Variants in KIAA1217 observed in about 807,000 individuals in gnomAD.
KIAA1217 encodes KIAA1217.
In KIAA1217, 88 loss-of-function variants were observed where a neutral mutation model predicts 163.9. The ratio of observed to expected loss-of-function variants is 0.54; its 90% confidence interval spans 0.45 to 0.64. The LOEUF is 0.64. Among genes scored for constraint, KIAA1217 ranks in the 30% least tolerant of loss-of-function variants. The pLI is 0.00. For missense variants in KIAA1217, 2,372 were observed against 2,475.0 expected (o/e 0.96, Z 0.88); for synonymous variants, 903 against 923.1 (o/e 0.98, Z 0.39).
At chr10:23,928,995 C>A (rs1051568146) in intron 1 of KIAA1217, among the ~76,000 whole-genome samples, 27 of 152,050 alleles carry the variant, frequency 1.8e-4, no homozygotes, top group Admixed American at 1.8e-3. Context: ...GAGGTTCCAG[C>A]GTACACAAGC....
At chr10:23,755,872 C>T (rs1270171346) in intron 1 of KIAA1217, among the ~76,000 whole-genome samples, 1 of 152,110 alleles carries the variant, frequency 6.6e-6, no homozygotes, top group Admixed American at 6.5e-5. Flanking sequence ...TTCTAATCTT[C>T]CACATATATT....
At chr10:23,728,505 T>TG (rs953981160) in intron 1 of KIAA1217, among the ~76,000 whole-genome samples, 71 of 136,444 alleles carry the variant, frequency 5.2e-4, no homozygotes, top group African/African-American at 2.2e-3. Context: ...CACTTTTTGA[T>TG]GGTTTTTTTT....
chr10:24,280,607 C>G (rs1300030604), intron 2 of KIAA1217, among the ~76,000 whole-genome samples: 1 of 151,768 alleles, frequency 6.6e-6, no homozygotes, highest in Non-Finnish European at 1.5e-5. Context: ...GTCAGGAGAT[C>G]GAGACCATCC....
intron 2 of KIAA1217, among the ~76,000 whole-genome samples, chr10:24,189,189 G>A (rs777696511): frequency 1.3e-5 from 2 of 151,960 alleles, no homozygotes; most frequent in Admixed American, 1.3e-4. Flanking sequence ...GCCTTATCAG[G>A]TCGTTGAGAG....
chr10:24,129,009 G>A (rs551051233), intron 2 of KIAA1217, among the ~76,000 whole-genome samples: 1 of 152,072 alleles, frequency 6.6e-6, no homozygotes, highest in Non-Finnish European at 1.5e-5. Flanking sequence ...CCCTAACAAA[G>A]AAATATTTTC....
chr10:24,084,898 T>C (rs2131666047), intron 2 of KIAA1217, among the ~76,000 whole-genome samples: 1 of 150,638 alleles, frequency 6.6e-6, no homozygotes, highest in South Asian at 2.1e-4. Flanking sequence ...AAGCTATAAA[T>C]GGCAGAGTTT....
Position 23,800,786 on chromosome 10 carries a change from C to T in KIAA1217, c.-321+105552C>T, listed in dbSNP as rs563308880. ...AAAACTACAATGAGATACCATCGCA[C>T]GGCAGTTAGAATGGTGATCACTAAA... is the stretch of plus-strand genomic sequence containing the variant. On this transcript the variant is annotated intron_variant, in intron 1 of 18. Transcript: ENST00000376462. Among the ~76,000 whole-genome samples, 44 of 152,250 alleles carry T rather than the reference C, an allele frequency of 2.9e-4. No homozygotes were observed. In the South Asian group the frequency reaches 7.5e-3, roughly 26 times the overall value.
intron 2 of KIAA1217, among the ~76,000 whole-genome samples, chr10:24,193,070 C>A (rs1448983548): frequency 6.6e-6 from 1 of 152,170 alleles, no homozygotes; most frequent in Non-Finnish European, 1.5e-5. Context: ...GCATGTGCCA[C>A]CATGCCCAGT....
intron 2 of KIAA1217, among the ~76,000 whole-genome samples, chr10:24,016,238 A>G (rs1236100162): frequency 6.6e-6 from 1 of 152,076 alleles, no homozygotes; most frequent in Non-Finnish European, 1.5e-5. Flanking sequence ...TATGTCTGTT[A>G]TCTTCCTGTT....
chr10:23,984,308 T>C (rs1845883886), intron 1 of KIAA1217, among the ~76,000 whole-genome samples: 1 of 152,190 alleles, frequency 6.6e-6, no homozygotes, highest in African/African-American at 2.4e-5. Context: ...TGGTGTCCTA[T>C]AGGTCTTTTT....
chr10:23,918,733 T>TAC (rs1554823731), intron 1 of KIAA1217, among the ~76,000 whole-genome samples: 6,205 of 147,522 alleles, frequency 0.042, 160 homozygotes, highest in South Asian at 0.071. Context: ...ATTAAATATA[T>TAC]ACACACACAC....
At chr10:23,943,927 A>G (rs1843895020) in intron 1 of KIAA1217, among the ~76,000 whole-genome samples, 1 of 152,210 alleles carries the variant, frequency 6.6e-6, no homozygotes, top group Non-Finnish European at 1.5e-5. Context: ...CTCACATACA[A>G]ATTAATATTG....
At chr10:23,814,034 T>C (rs1049920546) in intron 1 of KIAA1217, among the ~76,000 whole-genome samples, 2 of 152,170 alleles carry the variant, frequency 1.3e-5, no homozygotes, top group East Asian at 3.9e-4. Context: ...TATCCATGAC[T>C]TTTTGGTGAC....
intron 2 of KIAA1217, among the ~76,000 whole-genome samples, chr10:24,131,542 G>GA (rs1461855910): frequency 2.6e-5 from 4 of 152,098 alleles, no homozygotes; most frequent in African/African-American, 9.7e-5. Flanking sequence ...CAGCCCTTTG[G>GA]AAAAGAGACA....
chr10:23,985,155 T>C (rs1052987964), intron 1 of KIAA1217, among the ~76,000 whole-genome samples: 1 of 152,196 alleles, frequency 6.6e-6, no homozygotes, highest in African/African-American at 2.4e-5. Flanking sequence ...TTAAAAAGGG[T>C]ACTAATACCA....
intron 2 of KIAA1217, among the ~76,000 whole-genome samples, chr10:24,009,096 T>G (rs1259223568): frequency 6.6e-6 from 1 of 152,180 alleles, no homozygotes; most frequent in Non-Finnish European, 1.5e-5. Flanking sequence ...TTGCCTGAAT[T>G]GGGATTGGAG....
chr10:24,393,915 T>C (rs1475406299), intron 3 of KIAA1217, among the ~76,000 whole-genome samples: 1 of 152,204 alleles, frequency 6.6e-6, no homozygotes, highest in African/African-American at 2.4e-5. Flanking sequence ...ACTCCTGTCT[T>C]CTTCTTTCGT....
intron 2 of KIAA1217, among the ~76,000 whole-genome samples, chr10:24,225,115 A>G (rs187017404): frequency 2.3e-3 from 346 of 152,016 alleles, no homozygotes; most frequent in Non-Finnish European, 3.4e-3. Context: ...GTGAGCCACC[A>G]TGCCTGGCCC....
chr10:23,863,825 C>T (rs1025786158), intron 1 of KIAA1217, among the ~76,000 whole-genome samples: 3 of 152,120 alleles, frequency 2.0e-5, no homozygotes, highest in Non-Finnish European at 2.9e-5. Context: ...AGCACATGTA[C>T]ACATACACAC....
Sources: allele counts gnomAD v4.1 joint callset (sites outside exome capture counted in the v4.1 genomes callset), GRCh38; gene constraint gnomAD v4.1.1; transcripts MANE v1.5; gene names NCBI Gene and HGNC (gene_info 2026-07-23, HGNC 2026-07-21).